Variants in GRIN2A observed in about 807,000 individuals in gnomAD.
GRIN2A encodes the protein glutamate receptor ionotropic, NMDA 2A.
GRIN2A carries 22 observed loss-of-function variants against 113.4 expected under a neutral mutation model. The ratio of observed to expected loss-of-function variants is 0.19; its 90% confidence interval spans 0.14 to 0.28. GRIN2A has a LOEUF of 0.28. Among genes scored for constraint, GRIN2A ranks in the 10% least tolerant of loss-of-function variants. The pLI is 1.00. For missense variants in GRIN2A, 1,502 were observed against 1,887.0 expected, an observed-to-expected ratio of 0.80 and a Z score of 3.78; for synonymous variants, 827 against 738.4, an observed-to-expected ratio of 1.12 and a Z score of -1.94.
chr16:10,040,032 A>G (rs796774973), intron 2 of GRIN2A, among the ~76,000 whole-genome samples: 84 of 924 alleles, frequency 0.091, no homozygotes, highest in Admixed American at 0.12. Context: ...ACACAAATAT[A>G]CTACACACAT....
In GRIN2A at chr16:9,917,779, G is replaced by A. The variant is rs184376504; in HGVS notation, c.1007+20180C>T. Among the ~76,000 whole-genome samples, 52 of 152,192 alleles carry A rather than the reference G, an allele frequency of 3.4e-4. 1 individual carries two copies. The highest frequency in any genetic ancestry group is 3.4e-3 in the Middle Eastern group (1 of 294). On this transcript the variant is annotated intron_variant, in intron 3 of 12. Coordinates refer to ENST00000330684, the MANE Select transcript of GRIN2A (RefSeq NM_001134407.3). ...AAGGACCAAGTTTACACCAGTACTCGTGCGTTCTGCTCCACAATTTCAACA... is the reference window on the plus strand; with the variant it reads ...AAGGACCAAGTTTACACCAGTACTCATGCGTTCTGCTCCACAATTTCAACA...
At chr16:9,909,936 T>C (rs965447383) in intron 3 of GRIN2A, among the ~76,000 whole-genome samples, 1 of 152,188 alleles carries the variant, frequency 6.6e-6, no homozygotes, top group Non-Finnish European at 1.5e-5. Context: ...AAGTAATACA[T>C]GTATTTCATG....
At chr16:9,990,522 A>C (rs2046082200) in intron 2 of GRIN2A, among the ~76,000 whole-genome samples, 1 of 148,860 alleles carries the variant, frequency 6.7e-6, no homozygotes. Flanking sequence ...CTGCACACGC[A>C]CCCCCTGAAT....
At chr16:10,115,592 GT>G (rs1473982571) in intron 2 of GRIN2A, among the ~76,000 whole-genome samples, 1 of 152,210 alleles carries the variant, frequency 6.6e-6, no homozygotes, top group Admixed American at 6.5e-5. Flanking sequence ...CCCAGCAGTT[GT>G]GCCCAAGGCA....
chr16:10,121,844 T>A (rs1448248), intron 2 of GRIN2A, among the ~76,000 whole-genome samples: 19 of 152,184 alleles, frequency 1.2e-4, no homozygotes, highest in Admixed American at 7.9e-4. Context: ...AGCACTGGCC[T>A]TGGCTAATTT....
rs77146341 is a variant in GRIN2A, at chr16:9,955,838, C to A, written c.415-17287G>T. 2.4e-3 allele frequency among the ~76,000 whole-genome samples: 358 copies of A among 152,296 alleles called. 2 individuals carry two copies. The highest frequency in any genetic ancestry group is 0.018 in the East Asian group (94 of 5,188). On this transcript the variant is annotated intron_variant, in intron 2 of 12. Coordinates refer to ENST00000330684, the MANE Select transcript of GRIN2A (RefSeq NM_001134407.3). ...CTGTGTCACACAGCATCGAGTAAGT[C>A]ATTTCTTTCAAACTCTCTCTCACCG...
chr16:9,891,953 GC>G (rs1300634381), intron 3 of GRIN2A, among the ~76,000 whole-genome samples: 1 of 152,164 alleles, frequency 6.6e-6, no homozygotes, highest in Non-Finnish European at 1.5e-5. Flanking sequence ...GAAGGTGCAG[GC>G]ATGGTGGCTC....
intron 2 of GRIN2A, among the ~76,000 whole-genome samples, chr16:10,083,514 T>C (rs73510694): frequency 0.022 from 3,303 of 152,330 alleles, 115 homozygotes; most frequent in African/African-American, 0.075. Flanking sequence ...GTAAGGCCTA[T>C]GAGGCCCACG....
chr16:10,135,969 T>A (rs2049183080), intron 2 of GRIN2A, among the ~76,000 whole-genome samples: 1 of 152,218 alleles, frequency 6.6e-6, no homozygotes, highest in Non-Finnish European at 1.5e-5. Flanking sequence ...TTCATCATAC[T>A]CCGTCCCTAA....
At chr16:9,908,945 A>G (rs562400881) in intron 3 of GRIN2A, among the ~76,000 whole-genome samples, 1 of 152,296 alleles carries the variant, frequency 6.6e-6, no homozygotes, top group East Asian at 1.9e-4. Context: ...AGTGGTGGGA[A>G]TTAAAGATGC....
intron 3 of GRIN2A, among the ~76,000 whole-genome samples, chr16:9,899,571 A>G (rs996947011): frequency 6.6e-6 from 1 of 152,078 alleles, no homozygotes; most frequent in African/African-American, 2.4e-5. Context: ...TATAAGGAGA[A>G]AAGTATTGTT....
intron 3 of GRIN2A, among the ~76,000 whole-genome samples, chr16:9,901,502 C>G (rs1348702965): frequency 6.6e-6 from 1 of 152,130 alleles, no homozygotes; most frequent in South Asian, 2.1e-4. Context: ...GTCTGTCACC[C>G]CAGCTGGAGT....
chr16:9,818,806 G>A (rs1350492925), intron 10 of GRIN2A, among the ~76,000 whole-genome samples: 1 of 152,172 alleles, frequency 6.6e-6, no homozygotes, highest in Non-Finnish European at 1.5e-5. Context: ...GATGGGGTAA[G>A]TATGAATTTC....
chr16:10,097,019 G>A (rs2048307728), intron 2 of GRIN2A, among the ~76,000 whole-genome samples: 1 of 152,176 alleles, frequency 6.6e-6, no homozygotes, highest in Non-Finnish European at 1.5e-5. Flanking sequence ...ATAACATCAA[G>A]TCACATGGTG....
chr16:9,924,576 T>G (rs1006719036), intron 3 of GRIN2A, among the ~76,000 whole-genome samples: 6 of 152,234 alleles, frequency 3.9e-5, no homozygotes, highest in Admixed American at 3.9e-4. Flanking sequence ...TTTTTTGAAC[T>G]GAGGGTTTAT....
At chr16:10,066,780 C>T (rs1324851575) in intron 2 of GRIN2A, among the ~76,000 whole-genome samples, 1 of 152,160 alleles carries the variant, frequency 6.6e-6, no homozygotes, top group Non-Finnish European at 1.5e-5. Context: ...TGGTGCCCAG[C>T]TCAGCAGTAG....
intron 10 of GRIN2A, 40 bp downstream of exon 10, chr16:9,822,224 G>C (rs200266574): frequency 3.1e-6 from 5 of 1,603,964 alleles, no homozygotes; most frequent in Non-Finnish European, 4.3e-6. Context: ...AAGGTTTATC[G>C]CTCGCAGACC....
At position 9,883,751 on chromosome 16, in the gene GRIN2A, G is replaced by A. The variant is rs8061210; in HGVS notation, c.1122+7235C>T. ...GGTGCTGTAGGCAAGTCTGGAGGCC[G>A]TGAGACAGATCTGGGCTGGAGGGAG... On this transcript the variant is annotated intron_variant, in intron 4 of 12. Coordinates refer to ENST00000330684, the MANE Select transcript of GRIN2A (RefSeq NM_001134407.3). Among the ~76,000 whole-genome samples, 378 of 152,332 alleles carry A rather than the reference G, an allele frequency of 2.5e-3. 1 individual carries two copies. The highest frequency in any genetic ancestry group is 7.5e-3 in the African/African-American group (313 of 41,580).
intron 2 of GRIN2A, among the ~76,000 whole-genome samples, chr16:9,959,714 C>T (rs1047881333): frequency 6.6e-6 from 1 of 152,248 alleles, no homozygotes; most frequent in Non-Finnish European, 1.5e-5. Flanking sequence ...CGGCTCACGC[C>T]TGTAATCCTA....
Sources: gnomAD v4.1 joint callset for allele counts (sites outside exome capture counted in the v4.1 genomes callset) on GRCh38, gnomAD v4.1.1 for gene constraint, MANE v1.5 for transcripts, NCBI Gene and HGNC (gene_info 2026-07-23, HGNC 2026-07-21) for gene names.